The following ST7L variants were observed in gnomAD, a reference collection of about 807,000 sequenced individuals.
ST7L encodes suppressor of tumorigenicity 7 protein-like.
ST7L carries 57 observed loss-of-function variants against 72.5 expected under a neutral mutation model. That is an observed-to-expected ratio of 0.79 (90% CI 0.64 to 0.98). The LOEUF is 0.98. Ranked by LOEUF, ST7L falls within the 50% of genes least tolerant of loss-of-function variation. The probability of loss-of-function intolerance (pLI) is 0.00; values close to 1 mark genes in which losing one functional copy is unlikely to be tolerated. For missense variants in ST7L, 576 were observed against 672.2 expected, an observed-to-expected ratio of 0.86 and a Z score of 1.58; for synonymous variants, 221 against 240.9, an observed-to-expected ratio of 0.92 and a Z score of 0.77.
chr1:112,541,168 C>T (rs1305722580), intron 14 of ST7L, among the ~76,000 whole-genome samples: 3 of 151,988 alleles, frequency 2.0e-5, no homozygotes, highest in Non-Finnish European at 4.4e-5. Flanking sequence ...GCCTATAGTC[C>T]CAGCTACTCG....
intron 13 of ST7L, among the ~76,000 whole-genome samples, chr1:112,548,490 A>G (rs544812811): frequency 1.3e-5 from 2 of 152,350 alleles, no homozygotes; most frequent in African/African-American, 4.8e-5. Flanking sequence ...AGGAAAATAA[A>G]AAACATTAGG....
chr1:112,579,323 G>A (rs1304763232), intron 9 of ST7L, among the ~76,000 whole-genome samples: 1 of 147,586 alleles, frequency 6.8e-6, no homozygotes, highest in Non-Finnish European at 1.5e-5. Flanking sequence ...GGCCGAGGTT[G>A]CAGTGAGCCG....
At chr1:112,590,147 G>A (rs1665474653) in intron 6 of ST7L, among the ~76,000 whole-genome samples, 1 of 152,184 alleles carries the variant, frequency 6.6e-6, no homozygotes, top group Non-Finnish European at 1.5e-5. Flanking sequence ...CTGAAATAAA[G>A]CAAGCCCTTT....
chr1:112,617,717 T>TCA (rs56216561), intron 1 of ST7L, among the ~76,000 whole-genome samples: 7,305 of 126,334 alleles, frequency 0.058, 211 homozygotes, highest in Non-Finnish European at 0.072. Context: ...TTTCTCTCTC[T>TCA]CACACACACA....
intron 14 of ST7L, chr1:112,528,502 G>GA (rs1653827559): frequency 6.6e-6 from 1 of 152,108 alleles, no homozygotes; most frequent in Non-Finnish European, 1.5e-5. Flanking sequence ...GGGACTAACA[G>GA]AGATCTACAC....
At position 112,550,704 on chromosome 1, in the gene ST7L, A is replaced by G; in HGVS notation, c.1397-11T>C. 1 of 1,604,498 alleles carries G rather than the reference A, an allele frequency of 6.2e-7. No homozygotes were observed. ...GAATCATTCTAAAAGCTGAGGAAAA[A>G]AAAGCATGTGTTGATACTCAATTCT... On this transcript the variant is annotated splice_polypyrimidine_tract_variant and intron_variant, in intron 12 of 14. Transcript: ENST00000358039.
intron 11 of ST7L, among the ~76,000 whole-genome samples, chr1:112,567,703 G>A (rs1393771068): frequency 2.0e-5 from 3 of 152,090 alleles, no homozygotes; most frequent in Non-Finnish European, 2.9e-5. Flanking sequence ...ATTTGTTGAA[G>A]TTCCATTTCC....
intron 14 of ST7L, among the ~76,000 whole-genome samples, chr1:112,538,888 G>A (rs1655635388): frequency 1.3e-5 from 2 of 152,108 alleles, no homozygotes; most frequent in African/African-American, 4.8e-5. Flanking sequence ...GTCATTTAAC[G>A]CTCACCAAAA....
chr1:112,591,371 G>T, intron 6 of ST7L, 154 bp downstream of exon 6: 1 of 604,768 alleles, frequency 1.7e-6, no homozygotes, highest in Non-Finnish European at 2.8e-6. Flanking sequence ...TACAGATGTT[G>T]GCAAACACTG....
chr1:112,599,356 T>A (rs976501370), intron 4 of ST7L, among the ~76,000 whole-genome samples: 1 of 152,002 alleles, frequency 6.6e-6, no homozygotes, highest in Non-Finnish European at 1.5e-5. Context: ...TCTTTAAGCA[T>A]AGGAGTTATT....
At chr1:112,570,570 T>TATATATATACACACACACACACAC (rs1183877129) in intron 11 of ST7L, among the ~76,000 whole-genome samples, 1 of 143,372 alleles carries the variant, frequency 7.0e-6, no homozygotes, top group African/African-American at 2.6e-5. Flanking sequence ...TATATATATA[T>TATATATATACACACACACACACAC]ACACACACAC....
At chr1:112,572,889 C>T (rs1662375088) in intron 11 of ST7L, among the ~76,000 whole-genome samples, 1 of 151,792 alleles carries the variant, frequency 6.6e-6, no homozygotes, top group African/African-American at 2.4e-5. Flanking sequence ...AAAATAAACT[C>T]AAATTAAGTT....
At chr1:112,616,471 G>A (rs1300788296) in intron 2 of ST7L, among the ~76,000 whole-genome samples, 4 of 152,208 alleles carry the variant, frequency 2.6e-5, no homozygotes, top group South Asian at 2.1e-4. Context: ...AGGCCAGGGC[G>A]GTGCCTCACG....
At chr1:112,566,155 C>A (rs1660983611) in intron 11 of ST7L, among the ~76,000 whole-genome samples, 1 of 152,040 alleles carries the variant, frequency 6.6e-6, no homozygotes, top group Admixed American at 6.6e-5. Flanking sequence ...GCTTTCCATG[C>A]TAAGTCAAAT....
At chr1:112,568,624 T>C (rs565495319) in intron 11 of ST7L, among the ~76,000 whole-genome samples, 28 of 151,132 alleles carry the variant, frequency 1.9e-4, no homozygotes, top group African/African-American at 4.9e-4. Flanking sequence ...CATGAGCCAC[T>C]GCGCCTGGCC....
chr1:112,537,998 A>C (rs1299387037), intron 14 of ST7L, among the ~76,000 whole-genome samples: 2 of 152,196 alleles, frequency 1.3e-5, no homozygotes, highest in Non-Finnish European at 2.9e-5. Flanking sequence ...CCATAACACA[A>C]TTTTTTTAAC....
chr1:112,557,256 A>G (rs927926407), intron 11 of ST7L, among the ~76,000 whole-genome samples: 16 of 152,050 alleles, frequency 1.1e-4, no homozygotes, highest in African/African-American at 3.6e-4. Context: ...CTTCTCCCCT[A>G]GTCCCCCAAC....
chr1:112,614,115 T>C (rs1051459362), intron 2 of ST7L, among the ~76,000 whole-genome samples: 3 of 152,318 alleles, frequency 2.0e-5, no homozygotes, highest in Middle Eastern at 3.4e-3. Context: ...TTAGACAGTT[T>C]ATGTAGCTTG....
In ST7L at chr1:112,581,579, T is replaced by A. The variant is rs186949251; in HGVS notation, c.1069+413A>T. On this transcript the variant is annotated intron_variant, in intron 9 of 14. Transcript: ENST00000358039. ...AAACCCAGCTAATTTTTTTAAAAAA[T>A]TTTTTTGTAGAGACAGGGTCTTGCC... is the stretch of plus-strand genomic sequence containing the variant. Among the ~76,000 whole-genome samples, 611 of 151,958 alleles carry A rather than the reference T, an allele frequency of 4.0e-3. 3 individuals are homozygous for A. Among genetic ancestry groups the A allele is most frequent in the African/African-American group, 0.014 (589 of 41,442 alleles).
Sources: gnomAD v4.1 joint callset for allele counts (sites outside exome capture counted in the v4.1 genomes callset) on GRCh38, gnomAD v4.1.1 for gene constraint, MANE v1.5 for transcripts, NCBI Gene and HGNC (gene_info 2026-07-23, HGNC 2026-07-21) for gene names.